NME8: variants seen among roughly 807,000 people sequenced by gnomAD.
The protein encoded by NME8 is NME/NM23 family member 8, also known as protein NME8.
In NME8, 72 loss-of-function variants were observed where a neutral mutation model predicts 82.3. That is an observed-to-expected ratio of 0.87 (90% CI 0.72 to 1.06). The LOEUF is 1.06. Ranked by LOEUF, NME8 falls within the 50% of genes least tolerant of loss-of-function variation. The pLI is 0.00. For synonymous variants in NME8, 267 were observed against 228.5 expected (o/e 1.17, Z -1.52); for missense variants, 712 against 685.4 (o/e 1.04, Z -0.43).
intron 11 of NME8, among the ~76,000 whole-genome samples, chr7:37,871,540 A>G (rs1300403675): frequency 6.6e-6 from 1 of 152,134 alleles, no homozygotes; most frequent in African/African-American, 2.4e-5. Context: ...CTTCTCATTC[A>G]TTCACTTATT....
intron 15 of NME8, among the ~76,000 whole-genome samples, chr7:37,890,314 A>T (rs1244247245): frequency 6.6e-6 from 1 of 151,898 alleles, no homozygotes; most frequent in African/African-American, 2.4e-5. Flanking sequence ...TTAATTTTTT[A>T]AATTGAAACA....
At chr7:37,879,736 T>C (rs1464996127) in intron 12 of NME8, among the ~76,000 whole-genome samples, 1 of 152,214 alleles carries the variant, frequency 6.6e-6, no homozygotes, top group Non-Finnish European at 1.5e-5. Context: ...TACAGGATCA[T>C]GCTGTAAAAG....
At chr7:37,863,652 C>A (rs1450638814) in intron 8 of NME8, among the ~76,000 whole-genome samples, 190 bp downstream of exon 8, 1 of 152,186 alleles carries the variant, frequency 6.6e-6, no homozygotes, top group African/African-American at 2.4e-5. Flanking sequence ...ACTCGCCTTA[C>A]CTTTGGTTCT....
intron 12 of NME8, among the ~76,000 whole-genome samples, chr7:37,877,294 A>T (rs779574925): frequency 1.3e-5 from 2 of 152,194 alleles, no homozygotes; most frequent in Non-Finnish European, 2.9e-5. Context: ...GAAATGCCCC[A>T]ATTCAAAGCT....
intron 12 of NME8, among the ~76,000 whole-genome samples, chr7:37,883,148 C>A (rs539620541): frequency 2.0e-5 from 3 of 152,142 alleles, no homozygotes; most frequent in African/African-American, 7.2e-5. Flanking sequence ...GCAGATTTAC[C>A]TTCCCTGAAT....
At chr7:37,864,211 G>A (rs755303271) in intron 8 of NME8, 137 bp from the exon 9 acceptor site, 115 of 1,064,082 alleles carry the variant, frequency 1.1e-4, no homozygotes, top group East Asian at 2.2e-4. Context: ...TTGAAATGCC[G>A]TAGTAAGATA....
chr7:37,880,684 T>C (rs753995764), intron 12 of NME8, among the ~76,000 whole-genome samples: 3 of 152,210 alleles, frequency 2.0e-5, no homozygotes, highest in Non-Finnish European at 2.9e-5. Context: ...AATAACTTGC[T>C]GGGCTTTTGG....
chr7:37,852,553 A>C (rs1344924773), intron 5 of NME8, among the ~76,000 whole-genome samples: 2 of 152,142 alleles, frequency 1.3e-5, no homozygotes, highest in African/African-American at 2.4e-5. Flanking sequence ...GACTACCTCC[A>C]TAGTTTTCCC....
intron 11 of NME8, among the ~76,000 whole-genome samples, chr7:37,870,258 A>AG (rs1784747778): frequency 1.3e-5 from 2 of 150,716 alleles, no homozygotes; most frequent in South Asian, 4.2e-4. Context: ...AAAAAAAAAA[A>AG]GAACTCGCAA....
chr7:37,887,409 A>T (rs910129261), intron 14 of NME8, among the ~76,000 whole-genome samples: 1 of 152,192 alleles, frequency 6.6e-6, no homozygotes, highest in Admixed American at 6.5e-5. Flanking sequence ...AATGTGAAGC[A>T]TTATCACATG....
At chr7:37,851,707 G>C (rs1198675459) in intron 5 of NME8, among the ~76,000 whole-genome samples, 1 of 151,820 alleles carries the variant, frequency 6.6e-6, no homozygotes, top group African/African-American at 2.4e-5. Flanking sequence ...ATTTATATGT[G>C]TGGCTTATAT....
At chr7:37,851,629 C>T (rs952308341) in intron 5 of NME8, among the ~76,000 whole-genome samples, 3 of 152,088 alleles carry the variant, frequency 2.0e-5, no homozygotes, top group South Asian at 2.1e-4. Flanking sequence ...TTGGATGTAT[C>T]GGGTTAAGTA....
chr7:37,886,171 A>T (rs1785037019), intron 14 of NME8, among the ~76,000 whole-genome samples: 1 of 152,208 alleles, frequency 6.6e-6, no homozygotes, highest in Non-Finnish European at 1.5e-5. Context: ...ACTGTGAAGG[A>T]TAATAAGCAT....
At chr7:37,873,479 T>C (rs1158430682) in intron 11 of NME8, among the ~76,000 whole-genome samples, 2 of 152,144 alleles carry the variant, frequency 1.3e-5, no homozygotes, top group South Asian at 2.1e-4. Context: ...AGATGAATTG[T>C]TTAATTAATA....
intron 12 of NME8, among the ~76,000 whole-genome samples, chr7:37,878,207 T>C (rs186205396): frequency 1.3e-5 from 2 of 152,320 alleles, no homozygotes; most frequent in Non-Finnish European, 2.9e-5. Flanking sequence ...TTTTTGTATC[T>C]ATTGATGTGA....
At chr7:37,861,766 G>A (rs1332316864) in intron 6 of NME8, among the ~76,000 whole-genome samples, 1 of 152,200 alleles carries the variant, frequency 6.6e-6, no homozygotes, top group Non-Finnish European at 1.5e-5. Context: ...CATCAGGTGA[G>A]AGCTCCTGCA....
chr7:37,882,954 A>C (rs991152487), intron 12 of NME8, among the ~76,000 whole-genome samples: 1 of 152,200 alleles, frequency 6.6e-6, no homozygotes, highest in African/African-American at 2.4e-5. Flanking sequence ...CTTGCAAATA[A>C]GGCATACTCA....
In NME8 at chr7:37,888,377, C is replaced by T. The variant is rs1201711976; in HGVS notation, c.1348C>T (p.Leu450Phe). The change falls in exon 15 of 18, where the codon CTT becomes TTT. Residue 450 changes from leucine to phenylalanine, a missense_variant. Leu to Phe is a conservative substitution (Grantham distance 22). Coordinates refer to ENST00000199447, the MANE Select transcript of NME8 (RefSeq NM_016616.5). ...AEREIQHFFPLQSTLGLIKPH... is the reference protein window; with the variant it reads ...AEREIQHFFPFQSTLGLIKPH... The stretch of plus-strand genomic sequence containing the variant: ...AAGGGAAATACAGCATTTCTTTCCT[C>T]TTCAAAGCACTTTAGGCTTGATTAA... 1.1e-5 allele frequency: 18 copies of T among 1,613,264 alleles called. No individual in the cohort carries two copies. The highest frequency in any genetic ancestry group is 9.9e-5 in the South Asian group (9 of 91,070).
chr7:37,859,360 A>G (rs1784564721), intron 6 of NME8, among the ~76,000 whole-genome samples: 1 of 151,952 alleles, frequency 6.6e-6, no homozygotes, highest in Non-Finnish European at 1.5e-5. Context: ...CTCTTCCCCT[A>G]TCTCCCAAAC....
Sources: gnomAD v4.1 joint callset for allele counts (sites outside exome capture counted in the v4.1 genomes callset) on GRCh38, gnomAD v4.1.1 for gene constraint, MANE v1.5 for transcripts, NCBI Gene and HGNC (gene_info 2026-07-23, HGNC 2026-07-21) for gene names.